The following EPB41L1 variants were observed in gnomAD, a reference collection of about 807,000 sequenced individuals.
The protein encoded by EPB41L1 is band 4.1-like protein 1.
In EPB41L1, 29 loss-of-function variants were observed where a neutral mutation model predicts 97.8. That is an observed-to-expected ratio of 0.30 (90% confidence interval 0.22 to 0.40). The LOEUF is 0.40. Ranked by LOEUF, EPB41L1 falls within the 10% of genes least tolerant of loss-of-function variation. EPB41L1 has a pLI of 1.00. For synonymous variants in EPB41L1, 383 were observed against 459.2 expected (o/e 0.83, Z 2.12); for missense variants, 812 against 1,162.3 (o/e 0.70, Z 4.38).
intron 1 of EPB41L1, among the ~76,000 whole-genome samples, chr20:36,156,094 G>A (rs140467917): frequency 4.6e-5 from 7 of 152,308 alleles, no homozygotes; most frequent in Non-Finnish European, 8.8e-5. Flanking sequence ...TGGAGCCTGC[G>A]GCAGAGGCAG....
At chr20:36,208,318 G>A (rs1349840997) in intron 14 of EPB41L1, 4 of 452,268 alleles carry the variant, frequency 8.8e-6, no homozygotes, top group East Asian at 7.1e-5. Flanking sequence ...CCGGAGATGC[G>A]GTCAGGGAAG....
intron 21 of EPB41L1, 49 bp from the exon 22 acceptor site, chr20:36,229,283 T>TGGG: frequency 7.0e-7 from 1 of 1,437,998 alleles, no homozygotes; most frequent in East Asian, 2.3e-5. Flanking sequence ...CTTCCTTCCT[T>TGGG]TCCCCCCACT....
At position 36,206,182 on chromosome 20, in the gene EPB41L1, A is replaced by G. The variant is rs2062788469; in HGVS notation, c.1669-3306A>G. 5 of 1,289,852 alleles carry G rather than the reference A, an allele frequency of 3.9e-6. No individual in the cohort carries two copies. Among genetic ancestry groups the G allele is most frequent in the South Asian group, 1.2e-5 (1 of 81,034 alleles). 79.9% of individuals were successfully genotyped at this position (1,289,852 alleles called of 1,614,324 possible). A position where few individuals can be genotyped will look rare whatever the true frequency, so the allele number is the denominator to read the frequency against. On this transcript the variant is annotated intron_variant, in intron 14 of 21. Coordinates refer to ENST00000338074, the MANE Select transcript of EPB41L1 (RefSeq NM_012156.2). This position sits in a 1 kb window ranked among gnomAD's most constrained non-coding sequence, Gnocchi z 5.5. The stretch of plus-strand genomic sequence containing the variant: ...GGCTTCCGGCCGCACATTGGCAGAA[A>G]AGCTCCTCGAGGGCTCTGAGCTCAG...
intron 1 of EPB41L1, among the ~76,000 whole-genome samples, chr20:36,098,386 A>G (rs2057902660): frequency 6.6e-6 from 1 of 152,056 alleles, no homozygotes; most frequent in Non-Finnish European, 1.5e-5. Flanking sequence ...TTACTCCCCC[A>G]CTTGTGGAGG....
chr20:36,209,835 TG>T lies in EPB41L1; in HGVS notation c.2021del (p.Gly674AlafsTer22). On this transcript the variant is annotated frameshift_variant, in exon 15 of 22. Transcript: ENST00000338074. This position sits in a 1 kb window ranked among gnomAD's most constrained non-coding sequence, Gnocchi z 4.2. ...GGGCCCCCAGCCAGGATGATGAGTC[TG>T]GGGGCATTGAGGACAGCCCGGATCG... Reference protein sequence around the residue: ...KGAPSQDDESGGIEDSPDRGA... With the variant: ...KGAPSQDDESXGIEDSPDRGA... The T allele has an allele frequency of 6.2e-7, 1 of 1,613,776 alleles. No individual in the cohort carries two copies. Among genetic ancestry groups the T allele is most frequent in the Non-Finnish European group, 8.5e-7 (1 of 1,179,982 alleles).
chr20:36,164,932 C>T (rs959198652), intron 1 of EPB41L1, among the ~76,000 whole-genome samples: 3 of 152,008 alleles, frequency 2.0e-5, no homozygotes, highest in African/African-American at 7.2e-5. Context: ...GTGATCCACC[C>T]GCCTCACCCT....
intron 2 of EPB41L1, among the ~76,000 whole-genome samples, chr20:36,144,459 C>T (rs1296009796): frequency 6.6e-6 from 1 of 152,204 alleles, no homozygotes; most frequent in Non-Finnish European, 1.5e-5. Flanking sequence ...CCCTCACCTC[C>T]AGACCTTCCC....
intron 2 of EPB41L1, among the ~76,000 whole-genome samples, chr20:36,136,304 G>GGGACTACA (rs1210165616): frequency 6.6e-6 from 1 of 151,146 alleles, no homozygotes; most frequent in East Asian, 1.9e-4. Context: ...CTGAGTAGCT[G>GGGACTACA]GGACTACAGG....
intron 2 of EPB41L1, among the ~76,000 whole-genome samples, chr20:36,127,461 G>C (rs1389542449): frequency 1.3e-5 from 2 of 152,196 alleles, no homozygotes; most frequent in Admixed American, 1.3e-4. Flanking sequence ...TGGATGCACT[G>C]TGTTGGTGTC....
At chr20:36,174,572 CT>C (rs761888628) in intron 2 of EPB41L1, among the ~76,000 whole-genome samples, 684 of 141,146 alleles carry the variant, frequency 4.8e-3, no homozygotes, top group Admixed American at 8.7e-3. Context: ...CATGCCTGGC[CT>C]TTTTTTTTTT....
intron 2 of EPB41L1, among the ~76,000 whole-genome samples, chr20:36,121,463 T>A (rs1357712551): frequency 3.9e-5 from 6 of 152,192 alleles, no homozygotes; most frequent in Non-Finnish European, 1.5e-5. Context: ...CTTCCTCTTC[T>A]GTGGCCATGC....
At chr20:36,097,063 A>C (rs1266885340) in intron 1 of EPB41L1, among the ~76,000 whole-genome samples, 1 of 152,206 alleles carries the variant, frequency 6.6e-6, no homozygotes, top group African/African-American at 2.4e-5. Flanking sequence ...GCTCCTCAGG[A>C]GACACAGCCT....
intron 2 of EPB41L1, among the ~76,000 whole-genome samples, chr20:36,133,402 C>A (rs1011556642): frequency 1.3e-5 from 2 of 152,246 alleles, no homozygotes; most frequent in African/African-American, 4.8e-5. Flanking sequence ...CTTGAGCATG[C>A]CATTTCCCTC....
At chr20:36,130,097 A>T (rs1223775780) in intron 2 of EPB41L1, among the ~76,000 whole-genome samples, 3 of 151,794 alleles carry the variant, frequency 2.0e-5, no homozygotes, top group African/African-American at 7.3e-5. Flanking sequence ...ACCCGCCACC[A>T]TGCCCAATTA....
In EPB41L1 at chr20:36,206,671, A is replaced by G; in HGVS notation, c.1669-2817A>G. The G allele has an allele frequency of 7.8e-7, 1 of 1,289,786 alleles. No individual in the cohort carries two copies. The highest frequency in any genetic ancestry group is 1.0e-6 in the Non-Finnish European group (1 of 988,878). The allele number at this position is 1,289,786 out of a possible 1,614,324, so 79.9% of individuals were successfully genotyped here. A position where few individuals can be genotyped will look rare whatever the true frequency, so the allele number is the denominator to read the frequency against. ...GACTTCCCCAAAGGAAGGGGCAGGG[A>G]CCCCCAAGAACCATGGAGGACCTGG... On this transcript the variant is annotated intron_variant, in intron 14 of 21. Coordinates refer to ENST00000338074, the MANE Select transcript of EPB41L1 (RefSeq NM_012156.2). The surrounding 1 kb of genome is among the most constrained non-coding windows in gnomAD (Gnocchi z 5.5).
At chr20:36,116,442 A>G (rs2147634048) in intron 2 of EPB41L1, among the ~76,000 whole-genome samples, 1 of 152,172 alleles carries the variant, frequency 6.6e-6, no homozygotes, top group African/African-American at 2.4e-5. Flanking sequence ...TCTCCAGGAG[A>G]GCTCAACACA....
At chr20:36,163,708 G>A (rs1187683998) in intron 1 of EPB41L1, among the ~76,000 whole-genome samples, 1 of 152,176 alleles carries the variant, frequency 6.6e-6, no homozygotes, top group Admixed American at 6.5e-5. Flanking sequence ...GCAGGAGGGA[G>A]TGGTGTTACC....
chr20:36,175,843 G>A, intron 3 of EPB41L1, 128 bp downstream of exon 3: 1 of 986,566 alleles, frequency 1.0e-6, no homozygotes. Context: ...TGTCCAGAGA[G>A]ATGACCTGGC....
chr20:36,129,602 C>T (rs1248941794), intron 2 of EPB41L1, among the ~76,000 whole-genome samples: 2 of 152,136 alleles, frequency 1.3e-5, no homozygotes, highest in African/African-American at 2.4e-5. Context: ...GTCTCTGGGA[C>T]AGCACACCCC....
Sources: allele counts gnomAD v4.1 joint callset (sites outside exome capture counted in the v4.1 genomes callset), GRCh38; gene constraint gnomAD v4.1.1; non-coding constraint Gnocchi (gnomAD v3.1); transcripts MANE v1.5; gene names NCBI Gene and HGNC (gene_info 2026-07-23, HGNC 2026-07-21).